ARHGAP42: variants seen among roughly 807,000 people sequenced by gnomAD.
ARHGAP42 encodes Rho GTPase activating protein 42.
In ARHGAP42, 63 loss-of-function variants were observed where a neutral mutation model predicts 125.0. The observed-to-expected ratio is 0.50, with a 90% CI of 0.41 to 0.62. The LOEUF is 0.62. Ranked by LOEUF, ARHGAP42 falls within the 20% of genes least tolerant of loss-of-function variation. ARHGAP42 has a pLI of 0.00. For missense variants in ARHGAP42, 766 were observed against 1,024.2 expected (o/e 0.75, Z 3.44); for synonymous variants, 339 against 351.0 (o/e 0.97, Z 0.38).
intron 4 of ARHGAP42, among the ~76,000 whole-genome samples, chr11:100,907,779 A>C (rs542385600): frequency 3.9e-5 from 6 of 152,228 alleles, no homozygotes; most frequent in African/African-American, 1.4e-4. Flanking sequence ...AGGAAGAAGA[A>C]GTCTAATTAG....
Position 100,992,149 on chromosome 11 carries a change from A to G in ARHGAP42, c.*3348A>G. On this transcript the variant is annotated 3_prime_UTR_variant, in exon 24 of 24. Coordinates refer to ENST00000298815, the MANE Select transcript of ARHGAP42 (RefSeq NM_152432.4). ...TCAGAGCTTTGCCTCAAGCAATTTC[A>G]AATTGTAGTGATACCTTAAATCATG... 1 of 769,818 alleles carries G rather than the reference A, an allele frequency of 1.3e-6. No homozygotes were observed. Among genetic ancestry groups the G allele is most frequent in the Non-Finnish European group, 2.0e-6 (1 of 496,326 alleles). The allele number at this position is 769,818 out of a possible 1,614,324, so 47.7% of individuals were successfully genotyped here.
chr11:100,980,183 T>G, intron 22 of ARHGAP42, among the ~76,000 whole-genome samples: 1 of 152,180 alleles, frequency 6.6e-6, no homozygotes, highest in East Asian at 1.9e-4. Flanking sequence ...GCCAAGAGCA[T>G]GTGAACCTTA....
chr11:100,836,444 G>A (rs1864787571), intron 3 of ARHGAP42, among the ~76,000 whole-genome samples: 1 of 152,060 alleles, frequency 6.6e-6, no homozygotes. Flanking sequence ...GTCTGAAATT[G>A]ACCATGCAAT....
intron 1 of ARHGAP42, among the ~76,000 whole-genome samples, chr11:100,688,658 T>G (rs1256094819): frequency 6.6e-6 from 1 of 152,232 alleles, no homozygotes; most frequent in East Asian, 1.9e-4. Flanking sequence ...TTACAGAGAA[T>G]TGAGCACAAT....
intron 6 of ARHGAP42, among the ~76,000 whole-genome samples, chr11:100,924,809 C>T (rs539316179): frequency 2.6e-4 from 39 of 152,010 alleles, no homozygotes; most frequent in Non-Finnish European, 4.7e-4. Context: ...TAAAAGCATA[C>T]CTGAAATCAA....
chr11:100,955,312 C>T (rs1857775686), intron 12 of ARHGAP42, among the ~76,000 whole-genome samples: 1 of 152,056 alleles, frequency 6.6e-6, no homozygotes, highest in Non-Finnish European at 1.5e-5. Flanking sequence ...TGCTTCTACC[C>T]TCACCCATGA....
intron 1 of ARHGAP42, among the ~76,000 whole-genome samples, chr11:100,712,527 T>C (rs1467569550): frequency 6.6e-6 from 1 of 152,146 alleles, no homozygotes; most frequent in Non-Finnish European, 1.5e-5. Context: ...TCCTCCCCCC[T>C]TCTCCCCCCA....
chr11:100,800,663 T>C (rs1490463348), intron 3 of ARHGAP42, among the ~76,000 whole-genome samples: 1 of 152,230 alleles, frequency 6.6e-6, no homozygotes, highest in Admixed American at 6.5e-5. Flanking sequence ...CTTTTGGCCA[T>C]GTTTCTGTTT....
chr11:100,936,262 A>G lies in ARHGAP42; in HGVS notation c.762A>G (p.Lys254=), dbSNP rs1183801350. The G allele has an allele frequency of 1.9e-6, 3 of 1,551,712 alleles. No homozygotes were observed. The highest frequency in any genetic ancestry group is 2.0e-5 in the Admixed American group (1 of 51,004). The part of the protein sequence containing the change: ...QEVERLMQRM[K]SANQDYRPPS... ...TAGAGCGGTTGATGCAAAGGATGAA[A>G]TCTGCTAACCAGGACTACAGACCAC... The change falls in exon 8 of 24, where the codon AAA becomes AAG. Residue 254 remains lysine, a synonymous_variant. Coordinates refer to ENST00000298815, the MANE Select transcript of ARHGAP42 (RefSeq NM_152432.4).
intron 1 of ARHGAP42, among the ~76,000 whole-genome samples, chr11:100,708,507 T>C (rs1002214509): frequency 3.3e-5 from 5 of 152,056 alleles, no homozygotes; most frequent in African/African-American, 1.2e-4. Flanking sequence ...GAGTGAGACC[T>C]GTCTCAAAAA....
chr11:100,956,100 A>T (rs573746962), intron 12 of ARHGAP42, among the ~76,000 whole-genome samples: 1 of 152,258 alleles, frequency 6.6e-6, no homozygotes, highest in East Asian at 1.9e-4. Context: ...GGTTGTTTGC[A>T]AAGCAACCAT....
At chr11:100,783,440 C>T (rs1269738438) in intron 2 of ARHGAP42, among the ~76,000 whole-genome samples, 2 of 152,060 alleles carry the variant, frequency 1.3e-5, no homozygotes, top group African/African-American at 4.8e-5. Context: ...TGTCTCAAAA[C>T]AAAACAAAAC....
intron 4 of ARHGAP42, among the ~76,000 whole-genome samples, chr11:100,863,874 A>G (rs776144857): frequency 6.6e-6 from 1 of 152,226 alleles, no homozygotes; most frequent in African/African-American, 2.4e-5. Flanking sequence ...GGTATTCAGA[A>G]CACTTGATGT....
chr11:100,756,928 G>T (rs1862592063), intron 1 of ARHGAP42, among the ~76,000 whole-genome samples: 1 of 152,134 alleles, frequency 6.6e-6, no homozygotes, highest in Non-Finnish European at 1.5e-5. Flanking sequence ...AAAAGATTGA[G>T]ATTTATTTTT....
intron 1 of ARHGAP42, among the ~76,000 whole-genome samples, chr11:100,740,307 C>A (rs1245655217): frequency 6.6e-6 from 1 of 151,966 alleles, no homozygotes; most frequent in Non-Finnish European, 1.5e-5. Flanking sequence ...TCCTTTGGTG[C>A]ACAAGGGAAG....
intron 3 of ARHGAP42, among the ~76,000 whole-genome samples, chr11:100,851,644 T>G (rs1865206463): frequency 6.6e-6 from 1 of 152,236 alleles, no homozygotes; most frequent in Admixed American, 6.5e-5. Flanking sequence ...ATAATGAAGT[T>G]AACCATAAAA....
intron 4 of ARHGAP42, among the ~76,000 whole-genome samples, chr11:100,863,927 C>A (rs145948060): frequency 6.6e-6 from 1 of 152,116 alleles, no homozygotes; most frequent in Non-Finnish European, 1.5e-5. Flanking sequence ...CTGTAATCGT[C>A]GTATTAGCAT....
At chr11:100,972,058 T>C (rs564600929) in intron 17 of ARHGAP42, among the ~76,000 whole-genome samples, 2 of 152,208 alleles carry the variant, frequency 1.3e-5, no homozygotes, top group Non-Finnish European at 2.9e-5. Context: ...CTTTCTTAGC[T>C]AGTGCTCTCT....
intron 1 of ARHGAP42, 153 bp downstream of exon 1, chr11:100,687,985 GTT>G: frequency 3.5e-6 from 3 of 855,426 alleles, no homozygotes; most frequent in South Asian, 2.0e-5. Context: ...GGCCAACAAA[GTT>G]TGTTCTTGAG....
Sources: gnomAD v4.1 joint callset for allele counts (sites outside exome capture counted in the v4.1 genomes callset) on GRCh38, gnomAD v4.1.1 for gene constraint, MANE v1.5 for transcripts, NCBI Gene and HGNC (gene_info 2026-07-23, HGNC 2026-07-21) for gene names.